The following SERF2 variants were observed in gnomAD, a reference collection of about 807,000 sequenced individuals.
The protein encoded by SERF2 is gastric cancer-related protein VRG107.
Under a neutral mutation model 10.7 loss-of-function variants are expected in SERF2, and 4 were observed. The ratio of observed to expected loss-of-function variants is 0.37; its 90% CI spans 0.18 to 0.86. The LOEUF is 0.86. SERF2 is among the 40% of genes least tolerant of loss of function. The pLI is 0.43. For missense variants in SERF2, 47 were observed against 79.1 expected (o/e 0.59, Z 1.54); for synonymous variants, 26 against 26.0 (o/e 1.00, Z 0.01).
chr15:43,785,755 G>C (rs2087001787), intron 2 of SERF2, among the ~76,000 whole-genome samples: 1 of 139,226 alleles, frequency 7.2e-6, no homozygotes, highest in African/African-American at 2.8e-5. Flanking sequence ...ACCCAGGCTA[G>C]AGTTCAGTGG....
chr15:43,789,497 A>C (rs2087035181), upstream of SERF2, among the ~76,000 whole-genome samples: 1 of 152,146 alleles, frequency 6.6e-6, no homozygotes, highest in Non-Finnish European at 1.5e-5. Flanking sequence ...AATCAAAATT[A>C]AAGTCTACAG....
intron 1 of SERF2, among the ~76,000 whole-genome samples, chr15:43,780,107 CCT>C (rs774354285): frequency 3.3e-5 from 5 of 151,748 alleles, no homozygotes; most frequent in South Asian, 2.1e-4. Context: ...TTTATGAACC[CCT>C]GTGTTTTTTG....
chr15:43,784,698 C>T (rs1458197158), intron 1 of SERF2, among the ~76,000 whole-genome samples: 2 of 151,798 alleles, frequency 1.3e-5, no homozygotes, highest in Non-Finnish European at 2.9e-5. Context: ...CCTCGTGATC[C>T]GCCTGCCTCA....
chr15:43,792,337 G>C lies in SERF2; in HGVS notation c.-40G>C. 2 of 1,521,862 alleles carry C rather than the reference G, an allele frequency of 1.3e-6. No homozygotes were observed. 94.3% of individuals were successfully genotyped at this position (1,521,862 alleles called of 1,614,324 possible). A position where few individuals can be genotyped will look rare whatever the true frequency, so the allele number is the denominator to read the frequency against. ...GGACCTGCAACGTCCGACAGAACGA[G>C]GGGACGTAACGGAGGCAGGTTGGAG... On this transcript the variant is annotated 5_prime_UTR_variant, in exon 1 of 3. Transcript: ENST00000249786.
chr15:43,779,447 A>G (rs915487516), intron 1 of SERF2, among the ~76,000 whole-genome samples: 1 of 152,180 alleles, frequency 6.6e-6, no homozygotes, highest in African/African-American at 2.4e-5. Context: ...AGATCATACA[A>G]TTCAGGGAAT....
At chr15:43,792,517 A>G in intron 1 of SERF2, 134 bp downstream of exon 1, 1 of 1,543,982 alleles carries the variant, frequency 6.5e-7, no homozygotes, top group South Asian at 1.2e-5. Flanking sequence ...GGCCACCCTC[A>G]CACTCGGTGC....
rs1236644682 is a variant in SERF2 at position 43,793,730 on chromosome 15, A to C, written c.137A>C (p.Gln46Pro). Reference sequence around the variant, plus strand: ...CCCAGGGACTCGGAGATCATGCAGCAGAAGCAGAAAAAGGCAAACGAGAAG... The same window carrying C: ...CCCAGGGACTCGGAGATCATGCAGCCGAAGCAGAAAAAGGCAAACGAGAAG... ...RKQRDSEIMQ[Q>P]KQKKANEKKE... The change falls in exon 3 of 3, where the codon CAG (glutamine) becomes CCG (proline). Residue 46 changes from glutamine (Q) to proline (P), a missense_variant. Transcript: ENST00000249786. 2 of 1,614,074 alleles carry C rather than the reference A, an allele frequency of 1.2e-6. No homozygotes were observed. The highest frequency in any genetic ancestry group is 2.7e-5 in the African/African-American group (2 of 74,920).
Position 43,795,573 on chromosome 15 carries a change from GCTGCTGA to G in SERF2, c.*1801_*1807del. 3 of 1,613,782 alleles carry G rather than the reference GCTGCTGA, an allele frequency of 1.9e-6. No homozygotes were observed. The highest frequency in any genetic ancestry group is 2.5e-6 in the Non-Finnish European group (3 of 1,179,780). ...AGAGGAAATGGCTGCTGGGAGCAGA[GCTGCTGA>G]AACACCTCTTCCCCTCTCCCCCAAC... On this transcript the variant is annotated 3_prime_UTR_variant, in exon 3 of 3. Transcript: ENST00000249786.
chr15:43,794,995 A>G lies in SERF2; in HGVS notation c.*1222A>G. ...GTCAGGGGAACCCCAGTTTGTGAAA[A>G]GGACTTAGACTGGAGGATATTTGTT... On this transcript the variant is annotated 3_prime_UTR_variant, in exon 3 of 3. Coordinates refer to ENST00000249786, the MANE Select transcript of SERF2 (RefSeq NM_001018108.4). 1 of 1,600,648 alleles carries G rather than the reference A, an allele frequency of 6.2e-7. No individual in the cohort carries two copies. Among genetic ancestry groups the G allele is most frequent in the Non-Finnish European group, 8.5e-7 (1 of 1,173,410 alleles).
intron 2 of SERF2, chr15:43,785,634 G>C (rs936654805): frequency 6.6e-6 from 1 of 150,870 alleles, no homozygotes; most frequent in Non-Finnish European, 1.5e-5. Context: ...TTATAGTCCT[G>C]TGTCTCCGAT....
chr15:43,781,532 CAAAA>C (rs1231949729), intron 1 of SERF2, among the ~76,000 whole-genome samples: 1 of 148,690 alleles, frequency 6.7e-6, no homozygotes, highest in Non-Finnish European at 1.5e-5. Flanking sequence ...CAAAAACAAA[CAAAA>C]CAAACAAACA....
rs756331229 is a variant in SERF2 at position 43,793,658 on chromosome 15, T to C, written c.117-52T>C. On this transcript the variant is annotated intron_variant, in intron 2 of 2. Coordinates refer to ENST00000249786, the MANE Select transcript of SERF2 (RefSeq NM_001018108.4). ...TTGTGCCCTTCATCCCCCTGCATCTTGTCCTTTTTGCCCTCTGGTACCTCC... is the reference window on the plus strand; with the variant it reads ...TTGTGCCCTTCATCCCCCTGCATCTCGTCCTTTTTGCCCTCTGGTACCTCC... The C allele has an allele frequency of 3.1e-6, 5 of 1,614,124 alleles. No individual in the cohort carries two copies. In the Admixed American group the frequency reaches 8.3e-5, roughly 27 times the overall value.
Position 43,795,728 on chromosome 15 carries a change from T to C in SERF2, c.*1955T>C. On this transcript the variant is annotated 3_prime_UTR_variant, in exon 3 of 3. Coordinates refer to ENST00000249786, the MANE Select transcript of SERF2 (RefSeq NM_001018108.4). ...CTGTTTCAGGGCAGCAGAAACACAG[T>C]GAGGGCTTCTGCAAAACAGAACGCA... The C allele has an allele frequency of 2.5e-6, 4 of 1,613,932 alleles. No homozygotes were observed. Among genetic ancestry groups the C allele is most frequent in the Non-Finnish European group, 2.5e-6 (3 of 1,179,926 alleles).
upstream of SERF2, among the ~76,000 whole-genome samples, chr15:43,788,663 C>G (rs2087027213): frequency 6.6e-6 from 1 of 152,178 alleles, no homozygotes; most frequent in Admixed American, 6.5e-5. Flanking sequence ...AATCCATTCT[C>G]TACTGGTAAA....
upstream of SERF2, among the ~76,000 whole-genome samples, chr15:43,788,684 CA>C (rs1422898927): frequency 6.6e-6 from 1 of 152,176 alleles, no homozygotes; most frequent in Non-Finnish European, 1.5e-5. Flanking sequence ...GTGATCTTTT[CA>C]AAGCTTACAC....
At chr15:43,783,927 A>AC (rs2086984388) in intron 1 of SERF2, among the ~76,000 whole-genome samples, 2 of 48,140 alleles carry the variant, frequency 4.2e-5, no homozygotes, top group Non-Finnish European at 7.4e-5. Context: ...ACGCCCAGCT[A>AC]TTTTTTTTTT....
At chr15:43,777,159 T>G in exon 1 of SERF2, 1 of 663,788 alleles carries the variant, frequency 1.5e-6, no homozygotes. Context: ...CTTTGGGCTA[T>G]CGGAAGAGCT....
chr15:43,792,767 C>T (rs2087096212), intron 1 of SERF2: 4 of 703,184 alleles, frequency 5.7e-6, no homozygotes, highest in South Asian at 2.0e-5. Context: ...CCCTTGGGAC[C>T]TCCCTTCTCT....
At position 43,787,004 on chromosome 15, in the gene SERF2, G is replaced by T. The variant is rs112414368; in HGVS notation, c.-402+1470G>T. ...TGCTTAGGCCTGGGTTCGTTTTTTT[G>T]TTTTTTTTTTTTTGAGATGGAGTCT... On this transcript the variant is annotated intron_variant, in intron 2 of 4. Transcript: ENST00000381359. Among the ~76,000 whole-genome samples the T allele has an allele frequency of 8.2e-3, 1,030 of 125,910 alleles. 61 individuals carry two copies. Among genetic ancestry groups the T allele is most frequent in the African/African-American group, 0.021 (589 of 27,948 alleles). 82.6% of individuals were successfully genotyped at this position (125,910 alleles called of 152,430 possible). A position where few individuals can be genotyped will look rare whatever the true frequency, so the allele number is the denominator to read the frequency against.
Sources: allele counts gnomAD v4.1 joint callset (sites outside exome capture counted in the v4.1 genomes callset), GRCh38; gene constraint gnomAD v4.1.1; transcripts MANE v1.5; gene names NCBI Gene and HGNC (gene_info 2026-07-23, HGNC 2026-07-21).